Variants in MS4A14 observed in about 807,000 individuals in gnomAD.
MS4A14 encodes membrane spanning 4-domains A14.
A neutral mutation model predicts 16.7 loss-of-function variants in MS4A14; 18 were observed. The observed-to-expected ratio is 1.08, with a 90% CI of 0.75 to 1.60. MS4A14 has a LOEUF of 1.60. Ranked by LOEUF, MS4A14 falls within the 40% of genes most tolerant of loss-of-function variation. The probability of loss-of-function intolerance (pLI) is 0.00; values close to 1 mark genes in which losing one functional copy is unlikely to be tolerated. For synonymous variants in MS4A14, 305 were observed against 289.4 expected (o/e 1.05, Z -0.55); for missense variants, 812 against 775.3 (o/e 1.05, Z -0.56).
intron 1 of MS4A14, among the ~76,000 whole-genome samples, chr11:60,396,995 A>T (rs1249325442): frequency 6.6e-6 from 1 of 152,172 alleles, no homozygotes; most frequent in Non-Finnish European, 1.5e-5. Context: ...GAGAGGTTTG[A>T]CTTCCCCTTC....
chr11:60,400,424 C>G lies in MS4A14; in HGVS notation c.288C>G (p.Leu96=), dbSNP rs77796224. The change falls in exon 3 of 5, where the codon CTC becomes CTG. Residue 96 remains leucine (L), a synonymous_variant. Coordinates refer to ENST00000300187, the MANE Select transcript of MS4A14 (RefSeq NM_032597.5). ...AACAGTTTATTCTTACAGGATACCT[C>G]ACAGTAACCGATAAGAAATCAAAAC... ...GALIFILTGY[L]TVTDKKSKLL... 3,266 of 1,605,886 alleles carry G rather than the reference C, an allele frequency of 2.0e-3. 60 individuals carry two copies. The African/African-American group carries it at 0.037, about 18-fold the overall frequency.
intron 4 of MS4A14, among the ~76,000 whole-genome samples, chr11:60,403,407 G>A (rs889302938): frequency 6.6e-6 from 1 of 152,112 alleles, no homozygotes; most frequent in African/African-American, 2.4e-5. Context: ...TAGTCAGTAG[G>A]TTTAGCTAAT....
intron 1 of MS4A14, 118 bp downstream of exon 1, chr11:60,396,834 C>T: frequency 9.6e-7 from 1 of 1,037,178 alleles, no homozygotes; most frequent in Admixed American, 3.0e-5. Flanking sequence ...TTCTACTTTT[C>T]CCCCTTCACC....
At chr11:60,405,258 T>C (rs965987494) in intron 4 of MS4A14, among the ~76,000 whole-genome samples, 1 of 152,100 alleles carries the variant, frequency 6.6e-6, no homozygotes, top group Non-Finnish European at 1.5e-5. Flanking sequence ...TTTGTATTTT[T>C]AGTAGAGACG....
At position 60,415,824 on chromosome 11, in the gene MS4A14, C is replaced by G. The variant is rs114064661; in HGVS notation, c.856C>G (p.Pro286Ala). Residue 286 changes from proline (P) to alanine (A), a missense_variant, in exon 5 of 5, where the codon CCT (proline) becomes GCT (alanine). Pro to Ala is a conservative substitution (Grantham distance 27). Coordinates refer to ENST00000300187, the MANE Select transcript of MS4A14 (RefSeq NM_032597.5). ...DEDLQSAIVQ[P>A]SQMQTKLLQD... ...AGATCTACAATCTGCTATTGTACAA[C>G]CTTCTCAAATGCAAACCAAGCTTCT... 1.2e-6 allele frequency: 2 copies of G among 1,613,908 alleles called. No individual in the cohort carries two copies. Among genetic ancestry groups the G allele is most frequent in the Non-Finnish European group, 1.7e-6 (2 of 1,179,916 alleles).
intron 4 of MS4A14, among the ~76,000 whole-genome samples, chr11:60,405,220 C>T (rs139686528): frequency 0.011 from 1,620 of 152,234 alleles, 76 homozygotes; most frequent in Admixed American, 0.083. Context: ...GCTGGGATTA[C>T]AGGCATGCAC....
chr11:60,409,569 A>G (rs1469930621), intron 4 of MS4A14, among the ~76,000 whole-genome samples: 1 of 148,228 alleles, frequency 6.7e-6, no homozygotes, highest in Non-Finnish European at 1.5e-5. Flanking sequence ...TGTAATATAT[A>G]ATGTATATTT....
chr11:60,400,073 A>G (rs1018492885), intron 2 of MS4A14, among the ~76,000 whole-genome samples: 19 of 152,142 alleles, frequency 1.2e-4, no homozygotes, highest in Non-Finnish European at 2.2e-4. Context: ...CAGAACAGGC[A>G]CAGCTCCTCC....
chr11:60,405,996 T>C (rs760949522), intron 4 of MS4A14: 79 of 1,472,190 alleles, frequency 5.4e-5, no homozygotes, highest in Non-Finnish European at 6.8e-5. Context: ...AGGTGTGTTC[T>C]GATGTCTCTT....
At chr11:60,402,104 A>G (rs2034082) in intron 3 of MS4A14, among the ~76,000 whole-genome samples, 105,244 of 151,666 alleles carry the variant, frequency 0.69, 36,757 homozygotes, top group Middle Eastern at 0.81. Flanking sequence ...GGAGTGGGTA[A>G]GAAGGAAGAA....
intron 4 of MS4A14, chr11:60,405,883 T>C: frequency 6.6e-7 from 1 of 1,522,300 alleles, no homozygotes; most frequent in Non-Finnish European, 8.8e-7. Context: ...TCCTCATTAT[T>C]TGCAGGGAAT....
In MS4A14 at chr11:60,415,944, C is replaced by T. The variant is rs763488810; in HGVS notation, c.976C>T (p.Pro326Ser). ...TGAAGACTTGCCATCCCAAGCTCTA[C>T]CAGTAGAAGGCCTGTCAGAACAAAC... The part of the protein sequence containing the change: ...SPEDLPSQAL[P>S]VEGLSEQTMP... Residue 326 changes from proline (P) to serine (S), a missense_variant, in exon 5 of 5, where the codon CCA becomes TCA. By Grantham distance (74) the Pro-to-Ser change is moderately conservative (BLOSUM62 -1). Transcript: ENST00000300187. The T allele has an allele frequency of 6.2e-7, 1 of 1,613,860 alleles. No homozygotes were observed. Among genetic ancestry groups the T allele is most frequent in the Non-Finnish European group, 8.5e-7 (1 of 1,179,946 alleles).
In MS4A14 at chr11:60,397,766, C is replaced by T. The variant is rs2085649007; in HGVS notation, c.139-86C>T. 1.6e-5 allele frequency: 22 copies of T among 1,337,970 alleles called. No homozygotes were observed. In the Admixed American group the frequency reaches 4.5e-4, roughly 27 times the overall value. The allele number at this position is 1,337,970 out of a possible 1,614,324, so 82.9% of individuals were successfully genotyped here. A position where few individuals can be genotyped will look rare whatever the true frequency, so the allele number is the denominator to read the frequency against. ...GCATTTGGATGGAGGGAAAGGTGTGCCATGGAGGCACACCCTGAGGGACGT... is the reference window on the plus strand; with the variant it reads ...GCATTTGGATGGAGGGAAAGGTGTGTCATGGAGGCACACCCTGAGGGACGT... On this transcript the variant is annotated intron_variant, in intron 1 of 4. Coordinates refer to ENST00000300187, the MANE Select transcript of MS4A14 (RefSeq NM_032597.5).
rs2085694277 is a variant in MS4A14, at chr11:60,400,393, C to T, written c.268-11C>T. 6.3e-7 allele frequency: 1 copy of T among 1,587,966 alleles called. No homozygotes were observed. The highest frequency in any genetic ancestry group is 1.1e-5 in the South Asian group (1 of 87,882). ...TCACCTGTTAACTTTTGTCTCTTGTCTTCTTAACAGTTTATTCTTACAGGA... is the reference window on the plus strand; with the variant it reads ...TCACCTGTTAACTTTTGTCTCTTGTTTTCTTAACAGTTTATTCTTACAGGA... On this transcript the variant is annotated splice_polypyrimidine_tract_variant and intron_variant, in intron 2 of 4. Coordinates refer to ENST00000300187, the MANE Select transcript of MS4A14 (RefSeq NM_032597.5).
chr11:60,412,017 T>A (rs1406696289), intron 4 of MS4A14, among the ~76,000 whole-genome samples: 1 of 152,044 alleles, frequency 6.6e-6, no homozygotes, highest in Non-Finnish European at 1.5e-5. Context: ...GTGAGATGAC[T>A]GTGTGGGGGT....
At chr11:60,402,843 A>C (rs772866329) in intron 3 of MS4A14, 69 bp from the exon 4 acceptor site, 3 of 1,509,214 alleles carry the variant, frequency 2.0e-6, no homozygotes, top group Non-Finnish European at 1.8e-6. Context: ...AGCACTAAAA[A>C]TTTCTTACAA....
In MS4A14 at chr11:60,397,997, A is replaced by G; in HGVS notation, c.267+17A>G. 1.2e-6 allele frequency: 2 copies of G among 1,611,718 alleles called. No homozygotes were observed. Among genetic ancestry groups the G allele is most frequent in the Non-Finnish European group, 1.7e-6 (2 of 1,178,504 alleles). ...GCACTTATTGTGAGTACTGTCGATT[A>G]GAAGCTTTGGAGAAATTGCTATAAA... On this transcript the variant is annotated intron_variant, in intron 2 of 4. Transcript: ENST00000300187.
Position 60,415,561 on chromosome 11 carries a change from A to T in MS4A14, c.593A>T (p.Gln198Leu), listed in dbSNP as rs373780418. The T allele has an allele frequency of 6.2e-7, 1 of 1,613,800 alleles. No homozygotes were observed. The highest frequency in any genetic ancestry group is 8.5e-7 in the Non-Finnish European group (1 of 1,179,796). ...AGTGATGATTCAACAACAAATGCAC[A>T]ATCTGTTATCTTTGGAGGCTATGCT... ...FSSDDSTTNA[Q>L]SVIFGGYAFF... Residue 198 changes from glutamine (Q) to leucine (L), a missense_variant, in exon 5 of 5, where the codon CAA (glutamine) becomes CTA (leucine). Transcript: ENST00000300187.
intron 4 of MS4A14, chr11:60,405,828 T>C (rs2085778481): frequency 7.9e-7 from 1 of 1,266,510 alleles, no homozygotes; most frequent in African/African-American, 1.5e-5. Flanking sequence ...GTTCTCAGCT[T>C]ATATATTTAA....
Sources: allele counts gnomAD v4.1 joint callset (sites outside exome capture counted in the v4.1 genomes callset), GRCh38; gene constraint gnomAD v4.1.1; transcripts MANE v1.5; gene names NCBI Gene and HGNC (gene_info 2026-07-23, HGNC 2026-07-21).